Variants in NRXN1 observed in about 807,000 individuals in gnomAD.
NRXN1 encodes the protein neurexin-1.
A neutral mutation model predicts 150.9 loss-of-function variants in NRXN1; 39 were observed. The observed-to-expected ratio is 0.26, with a 90% CI of 0.20 to 0.34. The LOEUF is 0.34. Among genes scored for constraint, NRXN1 ranks in the 10% least tolerant of loss-of-function variants. The probability of loss-of-function intolerance (pLI) is 1.00; values close to 1 mark genes in which losing one functional copy is unlikely to be tolerated. For synonymous variants in NRXN1, 924 were observed against 757.0 expected, an observed-to-expected ratio of 1.22 and a Z score of -3.62; for missense variants, 1,815 against 1,949.9, an observed-to-expected ratio of 0.93 and a Z score of 1.30.
At chr2:50,702,532 C>A (rs1047995537) in intron 5 of NRXN1, among the ~76,000 whole-genome samples, 1 of 147,798 alleles carries the variant, frequency 6.8e-6, no homozygotes, top group African/African-American at 2.5e-5. Context: ...TCTGTATGCA[C>A]ATAAATGTAT....
intron 18 of NRXN1, among the ~76,000 whole-genome samples, chr2:50,202,578 G>A (rs971384741): frequency 6.6e-6 from 1 of 152,074 alleles, no homozygotes; most frequent in South Asian, 2.1e-4. Flanking sequence ...AGTTTTGAGA[G>A]GCAAGAAAAG....
intron 5 of NRXN1, among the ~76,000 whole-genome samples, chr2:50,808,659 G>A (rs1253585590): frequency 6.6e-6 from 1 of 152,046 alleles, no homozygotes; most frequent in Non-Finnish European, 1.5e-5. Context: ...GACTCTTGAT[G>A]CATCAATAAA....
chr2:50,351,892 C>A (rs937119616), intron 17 of NRXN1, among the ~76,000 whole-genome samples: 1 of 152,056 alleles, frequency 6.6e-6, no homozygotes, highest in Non-Finnish European at 1.5e-5. Flanking sequence ...AGAGCTGGAA[C>A]TTCACCAAGC....
chr2:50,314,780 G>C (rs1484595937), intron 17 of NRXN1, among the ~76,000 whole-genome samples: 1 of 152,018 alleles, frequency 6.6e-6, no homozygotes, highest in Non-Finnish European at 1.5e-5. Context: ...TAATGCCGAA[G>C]ATCAGAGAAA....
intron 18 of NRXN1, among the ~76,000 whole-genome samples, chr2:50,180,261 G>C (rs2060622092): frequency 2.6e-5 from 4 of 152,102 alleles, no homozygotes; most frequent in Admixed American, 2.0e-4. Context: ...CTGACTTCAA[G>C]GAATTCTCCT....
At chr2:50,700,503 A>C (rs1207832171) in intron 5 of NRXN1, among the ~76,000 whole-genome samples, 2 of 152,198 alleles carry the variant, frequency 1.3e-5, no homozygotes, top group Non-Finnish European at 2.9e-5. Context: ...GGCATCCAAA[A>C]TTTAAACCAT....
intron 5 of NRXN1, 28 bp from the exon 6 acceptor site, chr2:50,623,643 A>C (rs756772256): frequency 4.6e-6 from 7 of 1,533,110 alleles, no homozygotes; most frequent in Non-Finnish European, 6.3e-6. Context: ...ATACATACAT[A>C]AGTAAACAAA....
intron 5 of NRXN1, among the ~76,000 whole-genome samples, chr2:50,802,501 G>C (rs1161199275): frequency 2.9e-3 from 7 of 2,410 alleles, no homozygotes; most frequent in African/African-American, 0.012. Context: ...AAAGAGAAAT[G>C]GAAGGAAGGA....
At chr2:50,755,904 G>T (rs545398938) in intron 5 of NRXN1, among the ~76,000 whole-genome samples, 1 of 151,908 alleles carries the variant, frequency 6.6e-6, no homozygotes, top group Non-Finnish European at 1.5e-5. Flanking sequence ...TTAATCTACT[G>T]CATTTTTATG....
intron 13 of NRXN1, among the ~76,000 whole-genome samples, chr2:50,499,793 C>A (rs979700463): frequency 1.1e-4 from 16 of 151,696 alleles, no homozygotes; most frequent in Non-Finnish European, 1.6e-4. Context: ...ACTAAAAATA[C>A]AAAAATTAAC....
intron 21 of NRXN1, among the ~76,000 whole-genome samples, chr2:50,000,912 G>T (rs115696557): frequency 0.012 from 1,893 of 152,212 alleles, 47 homozygotes; most frequent in African/African-American, 0.043. Context: ...TGCTTTCTTG[G>T]TCATCCAGGG....
intron 2 of NRXN1, among the ~76,000 whole-genome samples, chr2:50,960,077 T>C (rs567494577): frequency 1.3e-5 from 2 of 152,168 alleles, no homozygotes; most frequent in Admixed American, 6.6e-5. Context: ...AAGAATTTTT[T>C]TTTTCATGTC....
intron 21 of NRXN1, among the ~76,000 whole-genome samples, chr2:49,985,703 C>T (rs986615575): frequency 2.0e-5 from 3 of 152,158 alleles, no homozygotes; most frequent in Non-Finnish European, 2.9e-5. Context: ...AGTCACCTTC[C>T]CAGCAAGCTG....
chr2:50,247,666 G>A (rs1017395152), intron 17 of NRXN1, among the ~76,000 whole-genome samples: 8 of 152,054 alleles, frequency 5.3e-5, no homozygotes, highest in African/African-American at 1.9e-4. Flanking sequence ...GTCGAGGGCA[G>A]GAAACAGAGA....
At chr2:50,682,939 T>G (rs1163486236) in intron 5 of NRXN1, among the ~76,000 whole-genome samples, 2 of 152,144 alleles carry the variant, frequency 1.3e-5, no homozygotes, top group Non-Finnish European at 2.9e-5. Context: ...TACACATACA[T>G]CTATACCTAT....
intron 5 of NRXN1, among the ~76,000 whole-genome samples, chr2:50,717,391 G>T (rs1696004732): frequency 6.6e-6 from 1 of 152,064 alleles, no homozygotes; most frequent in Admixed American, 6.6e-5. Flanking sequence ...AATGCAGATT[G>T]CCAGGTTGGG....
chr2:50,712,299 T>A (rs1284534077), intron 5 of NRXN1, among the ~76,000 whole-genome samples: 1 of 152,136 alleles, frequency 6.6e-6, no homozygotes, highest in Non-Finnish European at 1.5e-5. Context: ...TATCTCCGTA[T>A]ATCAAAGCAA....
intron 17 of NRXN1, among the ~76,000 whole-genome samples, chr2:50,424,887 T>C (rs1218097166): frequency 1.3e-5 from 2 of 152,178 alleles, no homozygotes; most frequent in Non-Finnish European, 2.9e-5. Flanking sequence ...GCATAATATT[T>C]TTCTGTTAAA....
chr2:50,116,398 T>C (rs1229739025), intron 18 of NRXN1, among the ~76,000 whole-genome samples: 1 of 152,082 alleles, frequency 6.6e-6, no homozygotes, highest in Non-Finnish European at 1.5e-5. Context: ...CCATCTAGGC[T>C]TGGAGAAGAG....
Sources: allele counts gnomAD v4.1 joint callset (sites outside exome capture counted in the v4.1 genomes callset), GRCh38; gene constraint gnomAD v4.1.1; transcripts MANE v1.5; gene names NCBI Gene and HGNC (gene_info 2026-07-23, HGNC 2026-07-21).